The following PCDHA8 variants were observed in gnomAD, a reference collection of about 807,000 sequenced individuals.
The protein encoded by PCDHA8 is protocadherin alpha 8, also known as protocadherin alpha-8.
A neutral mutation model predicts 61.8 loss-of-function variants in PCDHA8; 53 were observed. The observed-to-expected ratio is 0.86, with a 90% CI of 0.69 to 1.08. The LOEUF (loss-of-function observed/expected upper bound fraction) is 1.08, where lower values mean the gene tolerates loss of function less well. PCDHA8 is among the 50% of genes least tolerant of loss of function. The pLI is 0.00. For missense variants in PCDHA8, 1,293 were observed against 1,245.0 expected (o/e 1.04, Z -0.58); for synonymous variants, 618 against 556.6 (o/e 1.11, Z -1.55).
chr5:140,848,923 C>A (rs2150425002), intron 1 of PCDHA8: 1 of 1,607,740 alleles, frequency 6.2e-7, no homozygotes, highest in Non-Finnish European at 8.5e-7. Flanking sequence ...CTGTTCATCG[C>A]GGAATCCAGG....
In PCDHA8 at chr5:140,868,915, G is replaced by C. The variant is rs1164548445; in HGVS notation, c.2394+25200G>C. On this transcript the variant is annotated intron_variant, in intron 1 of 3. Coordinates refer to ENST00000531613, the MANE Select transcript of PCDHA8 (RefSeq NM_018911.3). ...GCAAGGTGTCGCTCTTTACTTGGTG[G>C]AAAGTTCATTTAAAGGTTGGTCTGA... The C allele has an allele frequency of 7.4e-6, 7 of 948,738 alleles. No individual in the cohort carries two copies. In the East Asian group the frequency reaches 1.6e-4, roughly 22 times the overall value. The allele number at this position is 948,738 out of a possible 1,614,324, so 58.8% of individuals were successfully genotyped here. A position where few individuals can be genotyped will look rare whatever the true frequency, so the allele number is the denominator to read the frequency against.
intron 1 of PCDHA8, among the ~76,000 whole-genome samples, chr5:140,919,585 G>A (rs2079204849): frequency 6.6e-6 from 1 of 151,898 alleles, no homozygotes; most frequent in African/African-American, 2.4e-5. Flanking sequence ...ATGTAACATG[G>A]TAATTTTTAA....
At chr5:140,969,146 AAGGCCTGTCTGACAGC>A in intron 1 of PCDHA8, 1 of 1,614,170 alleles carries the variant, frequency 6.2e-7, no homozygotes, top group Non-Finnish European at 8.5e-7. Flanking sequence ...CTACTGCTAC[AAGGCCTGTCTGACAGC>A]AGGCTCAGGG....
intron 1 of PCDHA8, chr5:140,868,028 G>A (rs1380913243): frequency 2.0e-5 from 3 of 152,006 alleles, no homozygotes; most frequent in Non-Finnish European, 4.4e-5. Flanking sequence ...ACCAATGTTG[G>A]TGACTTGGAA....
rs199928168 is a variant in PCDHA8, at chr5:141,009,915, C to T, written c.2831C>T (p.Thr944Met). The part of the protein sequence containing the change: ...TQEKKEKGNS[T>M]TDNSDQ The stretch of plus-strand genomic sequence containing the variant: ...GAGAAAAAAGAGAAAGGGAACAGCA[C>T]GACTGACAACAGTGACCAGTGAGGT... The change falls in exon 4 of 4, where the codon ACG becomes ATG. Residue 944 changes from threonine to methionine, a missense_variant. Physicochemically the swap from Thr to Met is moderately conservative, Grantham distance 81. Coordinates refer to ENST00000531613, the MANE Select transcript of PCDHA8 (RefSeq NM_018911.3). The T allele has an allele frequency of 9.0e-4, 1,448 of 1,611,544 alleles. 2 individuals carry two copies. Among genetic ancestry groups the T allele is most frequent in the Admixed American group, 3.7e-3 (222 of 59,324 alleles).
intron 3 of PCDHA8, among the ~76,000 whole-genome samples, chr5:141,006,264 T>C (rs2098264343): frequency 6.6e-6 from 1 of 152,148 alleles, no homozygotes; most frequent in Non-Finnish European, 1.5e-5. Flanking sequence ...CAGGCTGGAC[T>C]GCAGTGGCAC....
At chr5:140,857,218 T>C (rs2044426953) in intron 1 of PCDHA8, 1 of 1,598,352 alleles carries the variant, frequency 6.3e-7, no homozygotes, top group African/African-American at 1.3e-5. Context: ...CTCTGACGCC[T>C]CACGTTCCGT....
At chr5:140,852,242 C>T (rs1581273178) in intron 1 of PCDHA8, 1 of 575,754 alleles carries the variant, frequency 1.7e-6, no homozygotes, top group East Asian at 1.4e-4. Context: ...TCCCTTAAAA[C>T]ACACTTTTGG....
At chr5:140,847,610 C>T (rs1047587407) in intron 1 of PCDHA8, 3 of 149,370 alleles carry the variant, frequency 2.0e-5, no homozygotes, top group African/African-American at 7.4e-5. Context: ...ATTGTAATAA[C>T]ATTACACAAA....
At chr5:140,934,690 T>C (rs1263392505) in intron 1 of PCDHA8, among the ~76,000 whole-genome samples, 1 of 152,198 alleles carries the variant, frequency 6.6e-6, no homozygotes, top group Non-Finnish European at 1.5e-5. Flanking sequence ...AAACAATGAA[T>C]TGATTCCTGG....
chr5:140,870,366 A>G, intron 1 of PCDHA8: 1 of 1,613,926 alleles, frequency 6.2e-7, no homozygotes, highest in South Asian at 1.1e-5. Flanking sequence ...GGGCCTATGA[A>G]CTGGTGGTGA....
intron 1 of PCDHA8, chr5:140,870,178 C>T (rs2051730547): frequency 2.5e-6 from 4 of 1,614,094 alleles, no homozygotes; most frequent in East Asian, 2.2e-5. Context: ...CCTCCCAGTA[C>T]GAGAGGACGC....
chr5:140,871,832 C>G (rs2053333400), intron 1 of PCDHA8, among the ~76,000 whole-genome samples: 2 of 152,246 alleles, frequency 1.3e-5, no homozygotes, highest in Non-Finnish European at 2.9e-5. Context: ...CCCTTCATCT[C>G]TAAACTTCAA....
chr5:140,888,640 A>G (rs2153424746), intron 1 of PCDHA8, among the ~76,000 whole-genome samples: 1 of 152,282 alleles, frequency 6.6e-6, no homozygotes, highest in East Asian at 1.9e-4. Context: ...TTACAGCAAT[A>G]CTTTCCTGAG....
intron 3 of PCDHA8, among the ~76,000 whole-genome samples, chr5:140,995,409 A>G (rs1056120944): frequency 2.6e-4 from 39 of 152,210 alleles, no homozygotes; most frequent in Admixed American, 6.5e-5. Flanking sequence ...TCGAGATTTC[A>G]TCACATTACT....
In PCDHA8 at chr5:140,850,593, C is replaced by G. The variant is rs2150490576; in HGVS notation, c.2394+6878C>G. The stretch of plus-strand genomic sequence containing the variant: ...GACGCTGGTGGATGTCAACGTGTAC[C>G]TGATCATCGCCATCTGCGCGGTGTC... On this transcript the variant is annotated intron_variant, in intron 1 of 3. Coordinates refer to ENST00000531613, the MANE Select transcript of PCDHA8 (RefSeq NM_018911.3). 25 of 1,598,524 alleles carry G rather than the reference C, an allele frequency of 1.6e-5. 1 individual carries two copies. The highest frequency in any genetic ancestry group is 5.5e-5 in the South Asian group (5 of 90,556).
Position 140,842,073 on chromosome 5 carries a change from T to C in PCDHA8, c.752T>C (p.Ile251Thr), listed in dbSNP as rs2150328918. 1 of 1,613,862 alleles carries C rather than the reference T, an allele frequency of 6.2e-7. No homozygotes were observed. The highest frequency in any genetic ancestry group is 8.5e-7 in the Non-Finnish European group (1 of 1,179,872). Reference sequence around the variant, plus strand: ...GAACAGTCTGAATACGAAGTAAGAATATTCGAAAACGCAGACAACGGAACA... The same window carrying C: ...GAACAGTCTGAATACGAAGTAAGAACATTCGAAAACGCAGACAACGGAACA... ...TFEQSEYEVR[I>T]FENADNGTTV... The change falls in exon 1 of 4, where the codon ATA (isoleucine) becomes ACA (threonine). Residue 251 changes from isoleucine to threonine, a missense_variant. Ile to Thr is a moderately conservative substitution (Grantham distance 89). Transcript: ENST00000531613.
rs781790601 is a variant in PCDHA8 at position 140,870,998 on chromosome 5, C to G, written c.2394+27283C>G. The G allele has an allele frequency of 6.2e-6, 10 of 1,613,366 alleles. No individual in the cohort carries two copies. The Admixed American group carries it at 1.7e-4, about 27-fold the overall frequency. On this transcript the variant is annotated intron_variant, in intron 1 of 3. Transcript: ENST00000531613. Reference sequence around the variant, plus strand: ...GGGCTGTACACGGGCGAGATAAGCACAACGCGTGCCCTGGACGAGGCAGAC... The same window carrying G: ...GGGCTGTACACGGGCGAGATAAGCAGAACGCGTGCCCTGGACGAGGCAGAC...
At chr5:140,846,395 G>A (rs1168454910) in intron 1 of PCDHA8, among the ~76,000 whole-genome samples, 1 of 90,540 alleles carries the variant, frequency 1.1e-5, no homozygotes, top group Non-Finnish European at 2.1e-5. Flanking sequence ...TTTTTTTTGA[G>A]ACGGAGTCTC....
Sources: gnomAD v4.1 joint callset for allele counts (sites outside exome capture counted in the v4.1 genomes callset) on GRCh38, gnomAD v4.1.1 for gene constraint, MANE v1.5 for transcripts, NCBI Gene and HGNC (gene_info 2026-07-23, HGNC 2026-07-21) for gene names.